The following GRID1 variants were observed in gnomAD, a reference collection of about 807,000 sequenced individuals.
The protein encoded by GRID1 is glutamate ionotropic receptor delta type subunit 1.
A neutral mutation model predicts 98.0 loss-of-function variants in GRID1; 28 were observed. The observed-to-expected ratio is 0.29, with a 90% CI of 0.21 to 0.39. The LOEUF (loss-of-function observed/expected upper bound fraction) is 0.39. GRID1 is among the 10% of genes least tolerant of loss of function. GRID1 has a pLI of 1.00. For missense variants in GRID1, 1,111 were observed against 1,340.5 expected (o/e 0.83, Z 2.67); for synonymous variants, 553 against 538.5 (o/e 1.03, Z -0.37).
At chr10:86,306,014 T>C (rs970578022) in intron 2 of GRID1, among the ~76,000 whole-genome samples, 2 of 152,174 alleles carry the variant, frequency 1.3e-5, no homozygotes, top group Non-Finnish European at 2.9e-5. Flanking sequence ...TGCCCCAACA[T>C]CTACCCTGAC....
chr10:85,855,241 C>T (rs753914628), intron 7 of GRID1, among the ~76,000 whole-genome samples: 2 of 152,256 alleles, frequency 1.3e-5, no homozygotes, highest in African/African-American at 2.4e-5. Context: ...CATAGACTGG[C>T]TGTGGTCTCC....
chr10:86,082,146 G>A (rs1843986496), intron 4 of GRID1, among the ~76,000 whole-genome samples: 1 of 152,228 alleles, frequency 6.6e-6, no homozygotes, highest in Admixed American at 6.5e-5. Context: ...CTGTAAACAC[G>A]AAACTGCTTT....
chr10:85,722,679 A>G (rs550543419), intron 12 of GRID1, among the ~76,000 whole-genome samples: 14 of 152,320 alleles, frequency 9.2e-5, no homozygotes, highest in African/African-American at 3.1e-4. Flanking sequence ...TTTTAACTAA[A>G]TATTTATAAA....
chr10:85,827,073 C>T (rs1842826807), intron 8 of GRID1, among the ~76,000 whole-genome samples: 1 of 152,148 alleles, frequency 6.6e-6, no homozygotes, highest in East Asian at 1.9e-4. Context: ...CCAGAGTATC[C>T]TCTTACCTCT....
At chr10:86,357,760 A>G (rs1384910236) in intron 2 of GRID1, among the ~76,000 whole-genome samples, 1 of 152,160 alleles carries the variant, frequency 6.6e-6, no homozygotes, top group Admixed American at 6.5e-5. Flanking sequence ...CTTGTGGGGA[A>G]TCCAGAGAGG....
At chr10:85,958,969 AAAAGAAAGAAAG>A (rs1020855090) in intron 4 of GRID1, among the ~76,000 whole-genome samples, 3 of 151,062 alleles carry the variant, frequency 2.0e-5, no homozygotes, top group Admixed American at 1.3e-4. Flanking sequence ...AAAAAAAAAA[AAAAGAAAGAAAG>A]AAAGAAAGAA....
intron 4 of GRID1, among the ~76,000 whole-genome samples, chr10:86,038,853 A>G (rs1564656800): frequency 6.6e-6 from 1 of 152,204 alleles, no homozygotes. Flanking sequence ...TTCTTGAAGT[A>G]GGGGAGTCAT....
At chr10:85,821,865 C>G (rs1349099241) in intron 8 of GRID1, among the ~76,000 whole-genome samples, 1 of 151,910 alleles carries the variant, frequency 6.6e-6, no homozygotes, top group African/African-American at 2.4e-5. Flanking sequence ...CAGAACAGAG[C>G]CCTCAGAAAT....
At chr10:85,827,675 G>GT (rs1590251760) in intron 8 of GRID1, among the ~76,000 whole-genome samples, 1 of 150,112 alleles carries the variant, frequency 6.7e-6, no homozygotes, top group Admixed American at 6.6e-5. Flanking sequence ...GCCAACAATG[G>GT]TTAAAAAAAA....
intron 5 of GRID1, among the ~76,000 whole-genome samples, chr10:85,875,848 T>C (rs1456437440): frequency 1.3e-5 from 2 of 152,218 alleles, no homozygotes; most frequent in Non-Finnish European, 2.9e-5. Context: ...AATATTTATC[T>C]ATGTAACCAA....
At chr10:85,984,460 T>C (rs1842585066) in intron 4 of GRID1, among the ~76,000 whole-genome samples, 1 of 152,124 alleles carries the variant, frequency 6.6e-6, no homozygotes, top group Non-Finnish European at 1.5e-5. Flanking sequence ...CTGAGAGGTC[T>C]GGGCGGGAGA....
intron 2 of GRID1, among the ~76,000 whole-genome samples, chr10:86,282,927 C>T (rs1847376473): frequency 6.6e-6 from 1 of 152,178 alleles, no homozygotes; most frequent in Admixed American, 6.5e-5. Flanking sequence ...CCACTTGGCT[C>T]ACAGTCAAGG....
intron 3 of GRID1, among the ~76,000 whole-genome samples, chr10:86,198,996 G>A (rs1245952905): frequency 1.3e-5 from 2 of 152,126 alleles, no homozygotes; most frequent in East Asian, 1.9e-4. Flanking sequence ...ACCTTGCACA[G>A]GAAGCAGGAG....
At chr10:85,912,615 T>G (rs1283081434) in intron 5 of GRID1, among the ~76,000 whole-genome samples, 1 of 152,212 alleles carries the variant, frequency 6.6e-6, no homozygotes, top group African/African-American at 2.4e-5. Flanking sequence ...TGGAGGGCCA[T>G]GCTGGAGGCC....
Position 86,206,733 on chromosome 10 carries a change from G to GCT in GRID1, c.236-87_236-86dup. The GCT allele has an allele frequency of 1.5e-6, 2 of 1,319,662 alleles. No homozygotes were observed. The highest frequency in any genetic ancestry group is 2.8e-5 in the South Asian group (2 of 71,806). The allele number at this position is 1,319,662 out of a possible 1,614,324, so 81.7% of individuals were successfully genotyped here. A position where few individuals can be genotyped will look rare whatever the true frequency, so the allele number is the denominator to read the frequency against. On this transcript the variant is annotated intron_variant, in intron 2 of 15. Transcript: ENST00000327946. The surrounding 1 kb of genome is among the most constrained non-coding windows in gnomAD (Gnocchi z 4.1). ...CAACCTGCAGGCCCCATGCCTGGCA[G>GCT]CTCATGCCCAGGACTCCCAAGAGAG...
intron 12 of GRID1, among the ~76,000 whole-genome samples, chr10:85,668,922 T>C (rs1165668060): frequency 6.6e-6 from 1 of 152,122 alleles, no homozygotes; most frequent in Non-Finnish European, 1.5e-5. Flanking sequence ...GCTCAAGGGG[T>C]CCAGATCACA....
chr10:86,117,248 T>C (rs1589377071), intron 4 of GRID1, among the ~76,000 whole-genome samples: 2 of 126,612 alleles, frequency 1.6e-5, no homozygotes, highest in South Asian at 2.6e-4. Context: ...CCATCAGCAC[T>C]ACCACTATCA....
At chr10:85,802,213 C>T (rs1306717185) in intron 8 of GRID1, among the ~76,000 whole-genome samples, 2 of 152,090 alleles carry the variant, frequency 1.3e-5, no homozygotes, top group Non-Finnish European at 2.9e-5. Context: ...AAAAAAGCAA[C>T]ATTTCACAAG....
rs79108022 is a variant in GRID1, at chr10:85,883,132, C to G, written c.781-13952G>C. 3.6e-3 allele frequency among the ~76,000 whole-genome samples: 542 copies of G among 152,194 alleles called. 2 individuals are homozygous for G. The highest frequency in any genetic ancestry group is 0.012 in the African/African-American group (503 of 41,554). ...TCATATTTTCCATCTCTTTGTTTCT[C>G]TAGGCCTCATTCTAAACAATTTCTT... On this transcript the variant is annotated intron_variant, in intron 5 of 15. Transcript: ENST00000327946.
Sources: allele counts gnomAD v4.1 joint callset (sites outside exome capture counted in the v4.1 genomes callset), GRCh38; gene constraint gnomAD v4.1.1; non-coding constraint Gnocchi (gnomAD v3.1); transcripts MANE v1.5; gene names NCBI Gene and HGNC (gene_info 2026-07-23, HGNC 2026-07-21).